Variants in ARHGAP6 observed in about 807,000 individuals in gnomAD.
The protein encoded by ARHGAP6 is rho GTPase-activating protein 6.
ARHGAP6 carries 16 observed loss-of-function variants against 55.7 expected under a neutral mutation model. That is an observed-to-expected ratio of 0.29 (90% CI 0.19 to 0.44). The LOEUF is 0.44. ARHGAP6 is among the 20% of genes least tolerant of loss of function. The probability of loss-of-function intolerance (pLI) is 1.00; values close to 1 mark genes in which losing one functional copy is unlikely to be tolerated. For synonymous variants in ARHGAP6, 382 were observed against 360.9 expected (o/e 1.06, Z -0.66); for missense variants, 698 against 808.9 (o/e 0.86, Z 1.66).
intron 1 of ARHGAP6, among the ~76,000 whole-genome samples, chrX:11,558,836 CAAAAAAAAA>C (rs58936931): frequency 2.8e-3 from 84 of 30,050 alleles, no homozygotes; most frequent in Non-Finnish European, 4.2e-3. Flanking sequence ...GATTCCATCT[CAAAAAAAAA>C]AAAAAAAAAA....
chrX:11,478,743 G>A (rs2147835262), intron 1 of ARHGAP6, among the ~76,000 whole-genome samples: 1 of 111,856 alleles, frequency 8.9e-6, no homozygotes, highest in East Asian at 2.8e-4. Context: ...GAGTTCAGCA[G>A]AGCTTGTGTT....
intron 1 of ARHGAP6, among the ~76,000 whole-genome samples, chrX:11,276,000 C>A (rs1024142065): frequency 9.0e-6 from 1 of 111,699 alleles, no homozygotes; most frequent in African/African-American, 3.3e-5. Context: ...CAAAACATGA[C>A]CAAAGGAAAT....
chrX:11,420,077 G>A (rs1432079701), intron 1 of ARHGAP6, among the ~76,000 whole-genome samples: 1 of 111,865 alleles, frequency 8.9e-6, no homozygotes, highest in Non-Finnish European at 1.9e-5. Context: ...AATTGGAAGT[G>A]GAAGAGTCTT....
chrX:11,366,589 C>T (rs1040999188), intron 1 of ARHGAP6, among the ~76,000 whole-genome samples: 6 of 111,131 alleles, frequency 5.4e-5, no homozygotes, highest in African/African-American at 2.0e-4. Context: ...ACTAGAGCGA[C>T]GTGGGTAAGT....
chrX:11,532,944 T>C (rs952912822), intron 1 of ARHGAP6, among the ~76,000 whole-genome samples: 3 of 111,847 alleles, frequency 2.7e-5, no homozygotes, highest in Non-Finnish European at 5.6e-5. Context: ...GTCCACCAAA[T>C]ATCCTCATTG....
At chrX:11,226,537 T>G (rs764639467) in intron 2 of ARHGAP6, among the ~76,000 whole-genome samples, 2 of 111,902 alleles carry the variant, frequency 1.8e-5, no homozygotes, top group South Asian at 3.7e-4. Flanking sequence ...GTGGGAGTTA[T>G]TTAAAACAGG....
At chrX:11,527,474 T>C (rs2051002556) in intron 1 of ARHGAP6, among the ~76,000 whole-genome samples, 2 of 111,253 alleles carry the variant, frequency 1.8e-5, no homozygotes, top group South Asian at 7.6e-4. Context: ...TAGCCGGGTG[T>C]GGTGGCACAC....
chrX:11,518,462 C>CTTTTTTTT (rs368595944), intron 1 of ARHGAP6, among the ~76,000 whole-genome samples: 1 of 74,931 alleles, frequency 1.3e-5, no homozygotes, highest in Non-Finnish European at 2.5e-5. Context: ...TTTTTTTTTT[C>CTTTTTTTT]TTTTTTTTTT....
At chrX:11,537,995 G>A (rs2051120726) in intron 1 of ARHGAP6, among the ~76,000 whole-genome samples, 1 of 110,349 alleles carries the variant, frequency 9.1e-6, no homozygotes, top group African/African-American at 3.3e-5. Flanking sequence ...TTTGAAAACT[G>A]CAGGACTAAA....
chrX:11,227,072 G>A (rs914628715), intron 2 of ARHGAP6, among the ~76,000 whole-genome samples: 16 of 111,849 alleles, frequency 1.4e-4, no homozygotes, highest in African/African-American at 5.2e-4. Flanking sequence ...CTTGTGAAAA[G>A]ACATGCTCAT....
intron 1 of ARHGAP6, among the ~76,000 whole-genome samples, chrX:11,662,279 CATTAA>C (rs1009284251): frequency 2.7e-5 from 3 of 111,696 alleles, no homozygotes; most frequent in African/African-American, 9.8e-5. Context: ...TAATCCAGGC[CATTAA>C]ATTAGAGATC....
intron 1 of ARHGAP6, among the ~76,000 whole-genome samples, chrX:11,387,545 A>C (rs912159239): frequency 8.9e-6 from 1 of 111,860 alleles, no homozygotes; most frequent in Non-Finnish European, 1.9e-5. Flanking sequence ...ATTCAGAAGG[A>C]AGAAAGGAAG....
At chrX:11,341,153 T>G (rs2048701446) in intron 1 of ARHGAP6, among the ~76,000 whole-genome samples, 1 of 111,647 alleles carries the variant, frequency 9.0e-6, no homozygotes, top group South Asian at 3.8e-4. Flanking sequence ...TCAAAACTGA[T>G]AGAACCATAC....
chrX:11,199,807 A>G lies in ARHGAP6; in HGVS notation c.749-2811T>C, dbSNP rs376662338. ...TAGCGGTGAATGTTACGAATAGGTA[A>G]CTATACAAAATGATGGATGACGTGC... On this transcript the variant is annotated intron_variant, in intron 2 of 12. Transcript: ENST00000337414. 1.4e-4 allele frequency among the ~76,000 whole-genome samples: 16 copies of G among 112,430 alleles called. No individual in the cohort carries two copies. In the South Asian group the frequency reaches 5.5e-3, roughly 39 times the overall value.
chrX:11,324,794 T>C (rs369520843), intron 1 of ARHGAP6, among the ~76,000 whole-genome samples: 5 of 112,323 alleles, frequency 4.5e-5, no homozygotes, highest in African/African-American at 1.6e-4. Context: ...TTTCATTTAA[T>C]TTGTCCCATG....
chrX:11,522,247 G>A (rs1353923497), intron 1 of ARHGAP6, among the ~76,000 whole-genome samples: 2 of 110,974 alleles, frequency 1.8e-5, no homozygotes, highest in Admixed American at 1.9e-4. Flanking sequence ...TGTGTAGAGG[G>A]AAATTTATAG....
intron 1 of ARHGAP6, among the ~76,000 whole-genome samples, chrX:11,346,667 C>A (rs1438074830): frequency 9.5e-6 from 1 of 105,280 alleles, no homozygotes; most frequent in Non-Finnish European, 1.9e-5. Flanking sequence ...TGAGATCATG[C>A]CACTGCACTG....
At chrX:11,388,367 T>G (rs1174584410) in intron 1 of ARHGAP6, among the ~76,000 whole-genome samples, 16 of 112,261 alleles carry the variant, frequency 1.4e-4, no homozygotes, top group Non-Finnish European at 1.3e-4. Flanking sequence ...GAGAAGTGTC[T>G]GTTCATATCC....
At chrX:11,484,548 A>AAGGAAAAAG (rs1040445216) in intron 1 of ARHGAP6, among the ~76,000 whole-genome samples, 5 of 105,047 alleles carry the variant, frequency 4.8e-5, no homozygotes, top group African/African-American at 1.4e-4. Flanking sequence ...GGAAGAAGAG[A>AAGGAAAAAG]AGGAAAAAGA....
Sources: gnomAD v4.1 joint callset for allele counts (sites outside exome capture counted in the v4.1 genomes callset) on GRCh38, gnomAD v4.1.1 for gene constraint, MANE v1.5 for transcripts, NCBI Gene and HGNC (gene_info 2026-07-23, HGNC 2026-07-21) for gene names.